Variants in CEP170 observed in about 807,000 individuals in gnomAD.
The protein encoded by CEP170 is centrosomal protein of 170 kDa.
Under a neutral mutation model 151.9 loss-of-function variants are expected in CEP170, and 21 were observed. The observed-to-expected ratio is 0.14, with a 90% confidence interval of 0.10 to 0.20. The LOEUF (loss-of-function observed/expected upper bound fraction) is 0.20. Among genes scored for constraint, CEP170 ranks in the 10% least tolerant of loss-of-function variants. The probability of loss-of-function intolerance (pLI) is 1.00; values close to 1 mark genes in which losing one functional copy is unlikely to be tolerated. For missense variants in CEP170, 964 were observed against 1,892.9 expected, an observed-to-expected ratio of 0.51 and a Z score of 9.11; for synonymous variants, 356 against 648.8, an observed-to-expected ratio of 0.55 and a Z score of 6.86.
chr1:243,170,985 C>T (rs1427706667), intron 11 of CEP170, among the ~76,000 whole-genome samples: 2 of 152,178 alleles, frequency 1.3e-5, no homozygotes, highest in African/African-American at 2.4e-5. Context: ...CACTGACACA[C>T]GCGTATGTAA....
intron 15 of CEP170, 67 bp from the exon 16 acceptor site, chr1:243,140,174 C>T (rs1572188525): frequency 1.9e-6 from 3 of 1,556,300 alleles, no homozygotes; most frequent in African/African-American, 2.7e-5. Flanking sequence ...ATTGGCATTA[C>T]AATTTTTATG....
intron 10 of CEP170, among the ~76,000 whole-genome samples, chr1:243,182,922 C>A (rs1199487832): frequency 6.6e-6 from 1 of 151,124 alleles, no homozygotes; most frequent in Non-Finnish European, 1.5e-5. Flanking sequence ...ACTGGTGAAG[C>A]AGTAATAAAG....
intron 6 of CEP170, 77 bp downstream of exon 6, chr1:243,200,441 C>A: frequency 6.3e-7 from 1 of 1,593,368 alleles, no homozygotes; most frequent in Non-Finnish European, 8.6e-7. Context: ...ATGGACATAG[C>A]CAACTTTCTG....
chr1:243,246,222 T>C (rs1238698715), intron 1 of CEP170, among the ~76,000 whole-genome samples: 1 of 149,632 alleles, frequency 6.7e-6, no homozygotes, highest in Non-Finnish European at 1.5e-5. Context: ...TACAGTGTTG[T>C]TTACTTTTTT....
intron 1 of CEP170, among the ~76,000 whole-genome samples, chr1:243,248,611 A>G (rs766966629): frequency 1.3e-5 from 2 of 152,212 alleles, no homozygotes; most frequent in Non-Finnish European, 2.9e-5. Flanking sequence ...AAAGCCAGAA[A>G]CTAGTAACTT....
intron 1 of CEP170, among the ~76,000 whole-genome samples, chr1:243,239,654 T>G (rs1030602672): frequency 1.3e-5 from 2 of 152,192 alleles, no homozygotes; most frequent in Non-Finnish European, 2.9e-5. Context: ...CCCAAGACCT[T>G]TCATAGTGAG....
intron 1 of CEP170, among the ~76,000 whole-genome samples, chr1:243,246,226 CTTTTTTTTTTT>C (rs774096892): frequency 2.7e-5 from 3 of 109,470 alleles, no homozygotes; most frequent in African/African-American, 3.9e-5. Flanking sequence ...GTGTTGTTTA[CTTTTTTTTTTT>C]TTTTTTTTTT....
Position 243,245,739 on chromosome 1 carries a change from A to C in CEP170, c.-42+9301T>G, listed in dbSNP as rs545108389. ...AAGAAAACAAAACAAACAAACAAAA[A>C]ACAAAAAACAAAAAACAAAACAAAA... On this transcript the variant is annotated intron_variant, in intron 1 of 19. Coordinates refer to ENST00000366542, the MANE Select transcript of CEP170 (RefSeq NM_014812.3). Among the ~76,000 whole-genome samples the C allele has an allele frequency of 2.6e-5, 4 of 151,472 alleles. No individual in the cohort carries two copies. In the South Asian group the frequency reaches 8.3e-4, roughly 31 times the overall value.
Position 243,225,237 on chromosome 1 carries a change from C to T in CEP170, c.44G>A (p.Arg15His), listed in dbSNP as rs776034367. 6 of 1,598,032 alleles carry T rather than the reference C, an allele frequency of 3.8e-6. No homozygotes were observed. The highest frequency in any genetic ancestry group is 1.3e-5 in the African/African-American group (1 of 74,152). Reference sequence around the variant, plus strand: ...AATCATTTCTCGTGGCAGCCTGTGGCGAGTGCCTCCACTGCTCACCAAAAA... The same window carrying T: ...AATCATTTCTCGTGGCAGCCTGTGGTGAGTGCCTCCACTGCTCACCAAAAA... The part of the protein sequence containing the change: ...SWFLVSSGGT[R>H]HRLPREMIFV... The change falls in exon 2 of 20, where the codon CGC becomes CAC. Residue 15 changes from arginine (R) to histidine (H), a missense_variant. Physicochemically the swap from Arg to His is conservative, Grantham distance 29 (BLOSUM62 0). Coordinates refer to ENST00000366542, the MANE Select transcript of CEP170 (RefSeq NM_014812.3).
At chr1:243,160,576 T>C (rs1408672650) in intron 13 of CEP170, among the ~76,000 whole-genome samples, 2 of 152,180 alleles carry the variant, frequency 1.3e-5, no homozygotes, top group Non-Finnish European at 2.9e-5. Flanking sequence ...ATTTCTTTGT[T>C]GGCATTAAAA....
intron 16 of CEP170, among the ~76,000 whole-genome samples, chr1:243,137,499 G>A (rs1053356155): frequency 3.9e-5 from 6 of 152,162 alleles, no homozygotes; most frequent in South Asian, 2.1e-4. Context: ...TAATGAGGCC[G>A]GGCGCAGTGG....
intron 12 of CEP170, chr1:243,168,172 G>T (rs1014545721): frequency 1.3e-5 from 2 of 151,806 alleles, no homozygotes; most frequent in African/African-American, 4.8e-5. Context: ...AAGAATTTTT[G>T]GTCATACTAT....
chr1:243,180,041 A>G (rs2059521376), intron 10 of CEP170, among the ~76,000 whole-genome samples: 2 of 152,342 alleles, frequency 1.3e-5, no homozygotes, highest in East Asian at 3.9e-4. Flanking sequence ...ATGGTTGTGC[A>G]ACATTTTAAA....
intron 17 of CEP170, 194 bp downstream of exon 17, chr1:243,135,949 A>G (rs2055017203): frequency 1.7e-6 from 1 of 584,346 alleles, no homozygotes; most frequent in South Asian, 2.5e-5. Context: ...ACTGTTGAAT[A>G]AAATCTGTAA....
chr1:243,198,015 T>C (rs978046166), intron 7 of CEP170, among the ~76,000 whole-genome samples: 23 of 152,126 alleles, frequency 1.5e-4, no homozygotes, highest in African/African-American at 5.3e-4. Flanking sequence ...CCAATGTTCT[T>C]ATTGTCCAGC....
chr1:243,157,918 T>C (rs578123731), intron 13 of CEP170, among the ~76,000 whole-genome samples: 1 of 152,352 alleles, frequency 6.6e-6, no homozygotes, highest in Admixed American at 6.5e-5. Context: ...AGAATGAACA[T>C]ATGCAGAAAG....
Position 243,126,605 on chromosome 1 carries a change from T to C in CEP170, c.4599A>G (p.Thr1533=). 1 of 1,574,458 alleles carries C rather than the reference T, an allele frequency of 6.4e-7. No homozygotes were observed. Among genetic ancestry groups the C allele is most frequent in the Non-Finnish European group, 8.6e-7 (1 of 1,158,820 alleles). ...PVNNHHSPGQ[T]PTLGQPEARA... ...TAGCTTCTGGTTGGCCAAGTGTTGG[T>C]GTCTGACCCGGGCTGTGGTGGTTAT... Residue 1533 remains threonine, a synonymous_variant, in exon 20 of 20, where the codon ACA becomes ACG. Transcript: ENST00000366542.
At chr1:243,172,378 T>C (rs1572017477) in intron 11 of CEP170, among the ~76,000 whole-genome samples, 1 of 152,230 alleles carries the variant, frequency 6.6e-6, no homozygotes, top group East Asian at 1.9e-4. Context: ...CTCATGCCTG[T>C]AATCCTCGCA....
At chr1:243,146,480 T>C (rs900972107) in intron 14 of CEP170, among the ~76,000 whole-genome samples, 7 of 152,212 alleles carry the variant, frequency 4.6e-5, no homozygotes, top group African/African-American at 1.4e-4. Context: ...AAGGCAGGTA[T>C]AAAGTAAAAA....
Sources: allele counts gnomAD v4.1 joint callset (sites outside exome capture counted in the v4.1 genomes callset), GRCh38; gene constraint gnomAD v4.1.1; transcripts MANE v1.5; gene names NCBI Gene and HGNC (gene_info 2026-07-23, HGNC 2026-07-21).